The following RALGAPA1 variants were observed in gnomAD, a reference collection of about 807,000 sequenced individuals.
The protein encoded by RALGAPA1 is Ral GTPase activating protein catalytic subunit alpha 1, also known as ral GTPase-activating protein subunit alpha-1.
Under a neutral mutation model 269.6 loss-of-function variants are expected in RALGAPA1, and 52 were observed. The observed-to-expected ratio is 0.19, with a 90% CI of 0.15 to 0.24. RALGAPA1 has a LOEUF of 0.24. Among genes scored for constraint, RALGAPA1 ranks in the 10% least tolerant of loss-of-function variants. The probability of loss-of-function intolerance (pLI) is 1.00; values close to 1 mark genes in which losing one functional copy is unlikely to be tolerated. For synonymous variants in RALGAPA1, 817 were observed against 1,008.3 expected, an observed-to-expected ratio of 0.81 and a Z score of 3.60; for missense variants, 1,917 against 3,013.9, an observed-to-expected ratio of 0.64 and a Z score of 8.52.
At chr14:35,656,504 GA>G (rs1486363733) in intron 28 of RALGAPA1, among the ~76,000 whole-genome samples, 1 of 152,166 alleles carries the variant, frequency 6.6e-6, no homozygotes, top group Admixed American at 6.5e-5. Flanking sequence ...GTGTCAGCTT[GA>G]AGAGAGTTAT....
chr14:35,624,041 C>T (rs539452841), intron 35 of RALGAPA1, among the ~76,000 whole-genome samples: 16 of 150,500 alleles, frequency 1.1e-4, no homozygotes, highest in Admixed American at 8.6e-4. Context: ...GAGCCGAGAT[C>T]GCACCACTGC....
chr14:35,621,034 A>T (rs1299187036), intron 35 of RALGAPA1, among the ~76,000 whole-genome samples: 1 of 152,216 alleles, frequency 6.6e-6, no homozygotes, highest in Non-Finnish European at 1.5e-5. Flanking sequence ...TATGGAACCA[A>T]AAAAGAGCCC....
At chr14:35,766,094 G>C in intron 4 of RALGAPA1, 1 of 1,132,432 alleles carries the variant, frequency 8.8e-7, no homozygotes, top group Non-Finnish European at 1.3e-6. Context: ...CATGCTATGC[G>C]GCTTTAGGAT....
At chr14:35,591,081 T>G (rs554818491) in intron 37 of RALGAPA1, among the ~76,000 whole-genome samples, 1 of 152,212 alleles carries the variant, frequency 6.6e-6, no homozygotes, top group South Asian at 2.1e-4. Flanking sequence ...CTCTGAGGTA[T>G]CTCTGTAGCT....
chr14:35,720,438 T>C (rs1169634558), intron 16 of RALGAPA1, among the ~76,000 whole-genome samples: 1 of 152,218 alleles, frequency 6.6e-6, no homozygotes, highest in African/African-American at 2.4e-5. Context: ...ACAAGATGTA[T>C]CCTTACAATA....
At chr14:35,672,504 G>A (rs2064553867) in intron 25 of RALGAPA1, among the ~76,000 whole-genome samples, 2 of 146,640 alleles carry the variant, frequency 1.4e-5, no homozygotes, top group South Asian at 2.2e-4. Context: ...CTAGATAAAC[G>A]AATCCATATG....
intron 26 of RALGAPA1, among the ~76,000 whole-genome samples, chr14:35,670,480 T>C (rs1595068023): frequency 6.6e-6 from 1 of 152,220 alleles, no homozygotes; most frequent in East Asian, 1.9e-4. Flanking sequence ...CATTCCTTCC[T>C]TAGGCTTCTA....
intron 35 of RALGAPA1, 77 bp downstream of exon 35, chr14:35,625,284 A>T: frequency 1.0e-6 from 1 of 990,930 alleles, no homozygotes; most frequent in Non-Finnish European, 1.5e-6. Flanking sequence ...TACTATTTAA[A>T]ATATTATTCA....
chr14:35,542,775 C>T (rs934332688), intron 41 of RALGAPA1, among the ~76,000 whole-genome samples: 13 of 152,178 alleles, frequency 8.5e-5, no homozygotes, highest in African/African-American at 3.1e-4. Flanking sequence ...CATACCGTAT[C>T]TGTTACTAAC....
chr14:35,612,370 C>CAAAAAAAAAAAAAAAAAA (rs1010725263), intron 35 of RALGAPA1, among the ~76,000 whole-genome samples: 1 of 63,322 alleles, frequency 1.6e-5, no homozygotes, highest in Non-Finnish European at 3.3e-5. Context: ...AACTCTGTTT[C>CAAAAAAAAAAAAAAAAAA]AAAAAAAAAA....
intron 17 of RALGAPA1, among the ~76,000 whole-genome samples, chr14:35,694,261 G>T (rs539731204): frequency 6.6e-6 from 1 of 152,038 alleles, no homozygotes; most frequent in African/African-American, 2.4e-5. Flanking sequence ...GGTCAAGCAC[G>T]AACGTTAGCT....
intron 24 of RALGAPA1, 64 bp downstream of exon 24, chr14:35,674,116 T>C (rs2064740447): frequency 2.3e-6 from 3 of 1,279,260 alleles, no homozygotes; most frequent in East Asian, 5.1e-5. Flanking sequence ...CCAAAATCTC[T>C]ATAAAAAGTT....
At chr14:35,649,640 T>G (rs1019495917) in intron 31 of RALGAPA1, among the ~76,000 whole-genome samples, 1 of 152,208 alleles carries the variant, frequency 6.6e-6, no homozygotes, top group African/African-American at 2.4e-5. Flanking sequence ...GATTCTACTG[T>G]TTGTCTCTAT....
chr14:35,762,864 T>C, intron 4 of RALGAPA1, 111 bp from the exon 5 acceptor site: 1 of 677,186 alleles, frequency 1.5e-6, no homozygotes, highest in Non-Finnish European at 2.7e-6. Flanking sequence ...ACCTCCAAAT[T>C]ATTCTTGGTG....
intron 31 of RALGAPA1, among the ~76,000 whole-genome samples, chr14:35,640,372 A>G (rs1342628666): frequency 2.0e-5 from 3 of 152,112 alleles, no homozygotes; most frequent in African/African-American, 7.2e-5. Context: ...AAAAGAAACA[A>G]GACTCAAATA....
chr14:35,700,420 T>G, intron 16 of RALGAPA1, 118 bp from the exon 17 acceptor site: 203 of 497,906 alleles, frequency 4.1e-4, no homozygotes, highest in Non-Finnish European at 4.9e-4. Flanking sequence ...AGGAAGGAAA[T>G]TATAAATTAA....
At chr14:35,779,782 C>G (rs1595529059) in intron 1 of RALGAPA1, among the ~76,000 whole-genome samples, 1 of 152,278 alleles carries the variant, frequency 6.6e-6, no homozygotes, top group East Asian at 1.9e-4. Flanking sequence ...TCCCATAAGG[C>G]ATGCTAACAA....
At chr14:35,747,082 G>A (rs987083581) in intron 10 of RALGAPA1, among the ~76,000 whole-genome samples, 2 of 151,982 alleles carry the variant, frequency 1.3e-5, no homozygotes, top group African/African-American at 4.8e-5. Context: ...GGAGGCCCAA[G>A]GCAGGAGGAT....
chr14:35,653,525 C>T (rs575505585), intron 30 of RALGAPA1, among the ~76,000 whole-genome samples: 1 of 152,142 alleles, frequency 6.6e-6, no homozygotes, highest in Non-Finnish European at 1.5e-5. Context: ...GCCTGAACAA[C>T]ATGGCATTTC....
Sources: gnomAD v4.1 joint callset for allele counts (sites outside exome capture counted in the v4.1 genomes callset) on GRCh38, gnomAD v4.1.1 for gene constraint, MANE v1.5 for transcripts, NCBI Gene and HGNC (gene_info 2026-07-23, HGNC 2026-07-21) for gene names.